Variants in ZSCAN1 observed in about 807,000 individuals in gnomAD.
ZSCAN1 encodes the protein zinc finger and SCAN domain-containing protein 1.
ZSCAN1 carries 23 observed loss-of-function variants against 23.8 expected under a neutral mutation model. The observed-to-expected ratio is 0.97, with a 90% CI of 0.70 to 1.37. The LOEUF is 1.37. Among genes scored for constraint, ZSCAN1 ranks in the 40% most tolerant of loss-of-function variants. The pLI is 0.00. For missense variants in ZSCAN1, 575 were observed against 554.0 expected (o/e 1.04, Z -0.38); for synonymous variants, 236 against 232.3 (o/e 1.02, Z -0.15).
intron 1 of ZSCAN1, among the ~76,000 whole-genome samples, chr19:58,034,535 G>C (rs1327518544): frequency 6.6e-6 from 1 of 151,898 alleles, no homozygotes; most frequent in Non-Finnish European, 1.5e-5. Context: ...CCGCGTCCAA[G>C]TTCTCCCTTC....
chr19:58,052,654 A>G, intron 5 of ZSCAN1, 26 bp downstream of exon 5: 1 of 1,555,462 alleles, frequency 6.4e-7, no homozygotes, highest in South Asian at 1.2e-5. Context: ...GTGTGGATTA[A>G]GGGTTGGAAA....
downstream of ZSCAN1, among the ~76,000 whole-genome samples, chr19:58,056,288 T>C (rs529707698): frequency 6.6e-6 from 1 of 152,336 alleles, no homozygotes; most frequent in East Asian, 1.9e-4. Flanking sequence ...AGCACTGGGA[T>C]GGTGGAGGCT....
chr19:58,053,364 G>A lies in ZSCAN1; in HGVS notation c.605-65G>A, dbSNP rs181854287. On this transcript the variant is annotated intron_variant, in intron 5 of 5. Transcript: ENST00000282326. This position sits in a 1 kb window ranked among gnomAD's most constrained non-coding sequence, Gnocchi z 5.8. ...CACTGGGGTCCTCCGTGCCCCTGGG[G>A]AGCACAGGGAGATGCCAAGGCCATC... 2 of 1,547,082 alleles carry A rather than the reference G, an allele frequency of 1.3e-6. No homozygotes were observed. The highest frequency in any genetic ancestry group is 1.7e-6 in the Non-Finnish European group (2 of 1,143,700).
chr19:58,050,392 C>T (rs1027488075), intron 4 of ZSCAN1, among the ~76,000 whole-genome samples: 4 of 151,706 alleles, frequency 2.6e-5, no homozygotes, highest in African/African-American at 7.3e-5. Context: ...GCCAAGATTG[C>T]GCCACTGCAC....
At chr19:58,042,698 A>G (rs1031023927) in intron 4 of ZSCAN1, among the ~76,000 whole-genome samples, 2 of 152,080 alleles carry the variant, frequency 1.3e-5, no homozygotes, top group Admixed American at 6.6e-5. Context: ...CTGCCGGCAG[A>G]TGTGCTTATC....
chr19:58,039,618 T>C (rs1016410380), intron 3 of ZSCAN1, among the ~76,000 whole-genome samples: 2 of 151,946 alleles, frequency 1.3e-5, no homozygotes, highest in Non-Finnish European at 2.9e-5. Flanking sequence ...AATACAAAAA[T>C]TAGCCGGGCG....
chr19:58,046,149 C>T (rs752733342), intron 4 of ZSCAN1: 3 of 720,038 alleles, frequency 4.2e-6, no homozygotes, highest in Non-Finnish European at 7.6e-6. Context: ...AGGACACTGC[C>T]CCCGTGCTAG....
In ZSCAN1 at chr19:58,037,437, G is replaced by A. The variant is rs2073745686; in HGVS notation, c.-109-291G>A. ...GAAAGTCATGGAGGTTATGAAGACA[G>A]TGCCATAAGGATGATGGCCAGGACA... On this transcript the variant is annotated intron_variant, in intron 2 of 5. Coordinates refer to ENST00000282326, the MANE Select transcript of ZSCAN1 (RefSeq NM_182572.4). Among the ~76,000 whole-genome samples the A allele has an allele frequency of 3.3e-5, 5 of 150,652 alleles. No homozygotes were observed. In the Admixed American group the frequency reaches 3.3e-4, roughly 10 times the overall value.
intron 5 of ZSCAN1, among the ~76,000 whole-genome samples, chr19:58,052,902 A>G (rs926059335): frequency 1.3e-5 from 2 of 151,314 alleles, no homozygotes; most frequent in Admixed American, 6.6e-5. Flanking sequence ...GGTTACCCAG[A>G]GGGCCAGCCA....
chr19:58,052,725 C>T lies in ZSCAN1; in HGVS notation c.604+97C>T, dbSNP rs180698767. 1.2e-5 allele frequency: 18 copies of T among 1,466,230 alleles called. No individual in the cohort carries two copies. In the Admixed American group the frequency reaches 1.4e-4, roughly 11 times the overall value. The allele number at this position is 1,466,230 out of a possible 1,614,324, so 90.8% of individuals were successfully genotyped here. ...TGTTAATGGGTTGAGTTGGGTGCTT[C>T]GGTGGTGAACTCCACACTTCCCCCA... On this transcript the variant is annotated intron_variant, in intron 5 of 5. Transcript: ENST00000282326.
At chr19:58,036,141 A>C in intron 2 of ZSCAN1, 130 bp downstream of exon 2, 1 of 151,608 alleles carries the variant, frequency 6.6e-6, no homozygotes, top group African/African-American at 2.4e-5. Context: ...TCATGTGTCT[A>C]CTCCCCGTGG....
At chr19:58,050,089 C>CTTT (rs34901723) in intron 4 of ZSCAN1, among the ~76,000 whole-genome samples, 1 of 144,948 alleles carries the variant, frequency 6.9e-6, no homozygotes, top group Non-Finnish European at 1.5e-5. Context: ...CCACTCTTTC[C>CTTT]TTTTTTTTTT....
chr19:58,053,378 G>A lies in ZSCAN1; in HGVS notation c.605-51G>A. The stretch of plus-strand genomic sequence containing the variant: ...GTGCCCCTGGGGAGCACAGGGAGAT[G>A]CCAAGGCCATCCACTCACTACAGGT... On this transcript the variant is annotated intron_variant, in intron 5 of 5. Transcript: ENST00000282326. This position sits in a 1 kb window ranked among gnomAD's most constrained non-coding sequence, Gnocchi z 5.8. 2.6e-6 allele frequency: 4 copies of A among 1,563,844 alleles called. No individual in the cohort carries two copies. The highest frequency in any genetic ancestry group is 3.5e-6 in the Non-Finnish European group (4 of 1,152,414).
At chr19:58,056,241 T>C (rs575132835), downstream of ZSCAN1, among the ~76,000 whole-genome samples, 72 of 152,342 alleles carry the variant, frequency 4.7e-4, no homozygotes, top group Non-Finnish European at 8.8e-4. Context: ...GGTAGCTCTA[T>C]AGTGTCCTTT....
rs959748866 is a variant in ZSCAN1, at chr19:58,049,581, T to C, written c.466-2909T>C. 2.6e-5 allele frequency among the ~76,000 whole-genome samples: 4 copies of C among 152,062 alleles called. No homozygotes were observed. The highest frequency in any genetic ancestry group is 9.7e-5 in the African/African-American group (4 of 41,384). On this transcript the variant is annotated intron_variant, in intron 4 of 5. Coordinates refer to ENST00000282326, the MANE Select transcript of ZSCAN1 (RefSeq NM_182572.4). The surrounding 1 kb of genome is among the most constrained non-coding windows in gnomAD (Gnocchi z 4.5). ...TACGAGATCACTGTGGTGTGTGTGG[T>C]CCATTGTTGACTGAAACACCATTAC...
chr19:58,052,447 C>T (rs773626359), intron 4 of ZSCAN1, 43 bp from the exon 5 acceptor site: 98 of 1,612,882 alleles, frequency 6.1e-5, no homozygotes, highest in Middle Eastern at 1.8e-4. Context: ...GAGGATGGCT[C>T]CTGAGGGGCA....
At chr19:58,050,902 C>T (rs1009722075) in intron 4 of ZSCAN1, among the ~76,000 whole-genome samples, 2 of 152,202 alleles carry the variant, frequency 1.3e-5, no homozygotes, top group Admixed American at 1.3e-4. Flanking sequence ...CTCCCGCCTC[C>T]AATCTCCCCA....
chr19:58,050,393 G>A (rs774197494), intron 4 of ZSCAN1, among the ~76,000 whole-genome samples: 1 of 151,836 alleles, frequency 6.6e-6, no homozygotes. Context: ...CCAAGATTGC[G>A]CCACTGCACT....
At chr19:58,044,335 T>C (rs2073809550) in intron 4 of ZSCAN1, among the ~76,000 whole-genome samples, 1 of 151,596 alleles carries the variant, frequency 6.6e-6, no homozygotes, top group African/African-American at 2.4e-5. Context: ...TACATCATTA[T>C]CCCACAGAAA....
Sources: gnomAD v4.1 joint callset for allele counts (sites outside exome capture counted in the v4.1 genomes callset) on GRCh38, gnomAD v4.1.1 for gene constraint, Gnocchi (gnomAD v3.1) non-coding constraint, MANE v1.5 for transcripts, NCBI Gene and HGNC (gene_info 2026-07-23, HGNC 2026-07-21) for gene names.